The following NAALADL2 variants were observed in gnomAD, a reference collection of about 807,000 sequenced individuals.
NAALADL2 encodes inactive N-acetylated-alpha-linked acidic dipeptidase-like protein 2.
In NAALADL2, 76 loss-of-function variants were observed where a neutral mutation model predicts 87.2. That is an observed-to-expected ratio of 0.87 (90% CI 0.72 to 1.05). The LOEUF is 1.05. NAALADL2 is among the 50% of genes least tolerant of loss of function. The pLI, the probability that NAALADL2 is intolerant of heterozygous loss-of-function variation, is 0.00. For synonymous variants in NAALADL2, 354 were observed against 331.0 expected (o/e 1.07, Z -0.75); for missense variants, 1,089 against 945.8 (o/e 1.15, Z -1.99).
At chr3:174,975,969 CT>C (rs1216654556) in intron 1 of NAALADL2, among the ~76,000 whole-genome samples, 1 of 152,166 alleles carries the variant, frequency 6.6e-6, no homozygotes, top group African/African-American at 2.4e-5. Flanking sequence ...AAAGCTTAAA[CT>C]TTTGACTCAC....
At chr3:175,254,042 G>A (rs1749513737) in intron 3 of NAALADL2, among the ~76,000 whole-genome samples, 1 of 152,128 alleles carries the variant, frequency 6.6e-6, no homozygotes, top group Non-Finnish European at 1.5e-5. Context: ...TACGTAAACT[G>A]AGTTCATTAA....
At chr3:175,508,221 C>G (rs1730628462) in intron 9 of NAALADL2, among the ~76,000 whole-genome samples, 1 of 152,150 alleles carries the variant, frequency 6.6e-6, no homozygotes, top group South Asian at 2.1e-4. Flanking sequence ...GATCCAAATG[C>G]CTCCCATCAG....
At chr3:174,721,732 C>CA (rs1188128081) in intron 2 of NAALADL2, among the ~76,000 whole-genome samples, 1 of 152,072 alleles carries the variant, frequency 6.6e-6, no homozygotes, top group African/African-American at 2.4e-5. Context: ...AAGCAGAAAC[C>CA]AGATTAGTTG....
At chr3:174,734,007 G>A (rs986166649) in intron 2 of NAALADL2, among the ~76,000 whole-genome samples, 1 of 152,090 alleles carries the variant, frequency 6.6e-6, no homozygotes, top group Non-Finnish European at 1.5e-5. Context: ...AAGACCAGAA[G>A]GGTCAATTTC....
At chr3:175,126,108 A>G (rs572617703) in intron 2 of NAALADL2, among the ~76,000 whole-genome samples, 2 of 152,230 alleles carry the variant, frequency 1.3e-5, no homozygotes, top group South Asian at 4.1e-4. Context: ...AAGTGAGTGT[A>G]TGTGTATGGG....
chr3:175,284,202 G>A (rs906022732), intron 4 of NAALADL2, among the ~76,000 whole-genome samples: 12 of 76,928 alleles, frequency 1.6e-4, no homozygotes, highest in African/African-American at 5.5e-4. Context: ...TTTTTTTTCT[G>A]TCTTGCTTTA....
intron 1 of NAALADL2, among the ~76,000 whole-genome samples, chr3:175,095,431 G>T (rs1489999182): frequency 6.6e-6 from 1 of 151,922 alleles, no homozygotes; most frequent in African/African-American, 2.4e-5. Context: ...ACATGCATTA[G>T]ATAATCATCT....
At chr3:174,721,204 A>T (rs1193006494) in intron 2 of NAALADL2, among the ~76,000 whole-genome samples, 1 of 152,224 alleles carries the variant, frequency 6.6e-6, no homozygotes, top group African/African-American at 2.4e-5. Context: ...AAGCATAGTT[A>T]GTGTATTTAA....
At chr3:174,781,884 C>G (rs1716030629) in intron 3 of NAALADL2, among the ~76,000 whole-genome samples, 1 of 151,936 alleles carries the variant, frequency 6.6e-6, no homozygotes, top group Non-Finnish European at 1.5e-5. Context: ...CAGGTCTTTG[C>G]AAGATGAAAT....
chr3:174,754,349 A>T (rs1052444034), intron 3 of NAALADL2, among the ~76,000 whole-genome samples: 2 of 152,164 alleles, frequency 1.3e-5, no homozygotes, highest in East Asian at 3.8e-4. Context: ...GTTTAAATGC[A>T]TAAATTATTT....
At chr3:175,419,692 T>C (rs1305197731) in intron 5 of NAALADL2, among the ~76,000 whole-genome samples, 3 of 151,924 alleles carry the variant, frequency 2.0e-5, no homozygotes, top group African/African-American at 7.2e-5. Flanking sequence ...TTACTGCCCA[T>C]TTTCCCATGA....
At chr3:174,659,802 G>A (rs1354153245) in intron 2 of NAALADL2, among the ~76,000 whole-genome samples, 1 of 151,598 alleles carries the variant, frequency 6.6e-6, no homozygotes, top group Non-Finnish European at 1.5e-5. Flanking sequence ...TTTTTTAATA[G>A]CTCCTGCTCT....
At chr3:175,590,211 AATATATATATATATATAT>A (rs66991809) in intron 10 of NAALADL2, among the ~76,000 whole-genome samples, 4 of 5,970 alleles carry the variant, frequency 6.7e-4, no homozygotes, top group Admixed American at 2.4e-3. Flanking sequence ...GACTCCGTCT[AATATATATATATATATAT>A]ATATATATAT....
At chr3:174,716,723 T>A (rs1560168434) in intron 2 of NAALADL2, among the ~76,000 whole-genome samples, 1 of 152,070 alleles carries the variant, frequency 6.6e-6, no homozygotes, top group Non-Finnish European at 1.5e-5. Context: ...TATATACATA[T>A]ATATCCACAC....
chr3:174,981,635 A>G (rs1403616663), intron 1 of NAALADL2, among the ~76,000 whole-genome samples: 1 of 152,214 alleles, frequency 6.6e-6, no homozygotes, highest in Non-Finnish European at 1.5e-5. Context: ...GGCTTTTAAT[A>G]ATGAAAGCTG....
intron 1 of NAALADL2, among the ~76,000 whole-genome samples, chr3:174,892,202 C>T (rs919692682): frequency 2.6e-5 from 4 of 152,112 alleles, no homozygotes; most frequent in Admixed American, 1.3e-4. Flanking sequence ...ATCCATGAAA[C>T]ATGACCTCAC....
At chr3:175,741,071 A>T (rs1296428096) in intron 12 of NAALADL2, among the ~76,000 whole-genome samples, 1 of 152,194 alleles carries the variant, frequency 6.6e-6, no homozygotes, top group South Asian at 2.1e-4. Flanking sequence ...TAGGGGAAGC[A>T]CAAGGATTGA....
At chr3:175,176,553 G>T (rs1002030717) in intron 2 of NAALADL2, among the ~76,000 whole-genome samples, 2 of 152,138 alleles carry the variant, frequency 1.3e-5, no homozygotes, top group Non-Finnish European at 2.9e-5. Flanking sequence ...TATTGTACAT[G>T]TGATTAAGTT....
intron 1 of NAALADL2, among the ~76,000 whole-genome samples, chr3:174,996,414 A>G (rs1747468962): frequency 6.6e-6 from 1 of 151,580 alleles, no homozygotes; most frequent in East Asian, 2.0e-4. Flanking sequence ...GGAGAATGGC[A>G]TGAACTGGGG....
Sources: gnomAD v4.1 joint callset for allele counts (sites outside exome capture counted in the v4.1 genomes callset) on GRCh38, gnomAD v4.1.1 for gene constraint, MANE v1.5 for transcripts, NCBI Gene and HGNC (gene_info 2026-07-23, HGNC 2026-07-21) for gene names.